The following SLC6A6 variants were observed in gnomAD, a reference collection of about 807,000 sequenced individuals.
SLC6A6 encodes the protein sodium- and chloride-dependent taurine transporter.
SLC6A6 carries 16 observed loss-of-function variants against 68.8 expected under a neutral mutation model. The ratio of observed to expected loss-of-function variants is 0.23; its 90% CI spans 0.16 to 0.35. SLC6A6 has a LOEUF of 0.35. SLC6A6 is among the 10% of genes least tolerant of loss of function. SLC6A6 has a pLI of 1.00. For missense variants in SLC6A6, 474 were observed against 802.8 expected (o/e 0.59, Z 4.95); for synonymous variants, 312 against 315.4 (o/e 0.99, Z 0.12).
chr3:14,448,058 C>T (rs1700170792), intron 5 of SLC6A6: 1 of 1,217,280 alleles, frequency 8.2e-7, no homozygotes, highest in South Asian at 1.7e-5. Context: ...AGTTTCTTTA[C>T]CTGTAAGATA....
intron 2 of SLC6A6, among the ~76,000 whole-genome samples, chr3:14,437,714 A>G (rs1319332634): frequency 6.6e-6 from 1 of 152,084 alleles, no homozygotes; most frequent in Non-Finnish European, 1.5e-5. Context: ...AGATCTATCA[A>G]ACTTACTCCT....
chr3:14,433,802 CAAAAAA>C (rs67806643), intron 2 of SLC6A6, among the ~76,000 whole-genome samples: 16 of 77,510 alleles, frequency 2.1e-4, no homozygotes, highest in African/African-American at 6.4e-4. Flanking sequence ...GACTCTGTCT[CAAAAAA>C]AAAAAAAAAA....
chr3:14,409,334 C>T (rs895145542), intron 1 of SLC6A6, among the ~76,000 whole-genome samples: 8 of 152,220 alleles, frequency 5.3e-5, no homozygotes, highest in African/African-American at 4.8e-5. Context: ...GGACTTGCCC[C>T]GGAGGGTGCA....
chr3:14,459,901 T>G (rs199710337), intron 6 of SLC6A6, among the ~76,000 whole-genome samples: 7 of 47,072 alleles, frequency 1.5e-4, no homozygotes, highest in African/African-American at 8.5e-4. Flanking sequence ...TTTTTTTTTT[T>G]TTTTTTTGTA....
rs1700768175 is a variant in SLC6A6, at chr3:14,472,222, A to G, written c.1114A>G (p.Ile372Val). The change falls in exon 10 of 15, where the codon ATT becomes GTT. Residue 372 changes from isoleucine to valine, a missense_variant. Ile to Val is a conservative substitution (Grantham distance 29, BLOSUM62 3). Transcript: ENST00000622186. The surrounding 1 kb of genome is among the most constrained non-coding windows in gnomAD (Gnocchi z 4.5). ...CTTTCTAGGTCCTGGCCTGGCCTTC[A>G]TTGCCTACCCAAAAGCTGTGACAAT... ...VAESGPGLAFIAYPKAVTMMP... is the reference protein window; with the variant it reads ...VAESGPGLAFVAYPKAVTMMP... 5 of 1,612,984 alleles carry G rather than the reference A, an allele frequency of 3.1e-6. No individual in the cohort carries two copies. The highest frequency in any genetic ancestry group is 4.2e-6 in the Non-Finnish European group (5 of 1,179,148).
chr3:14,459,998 A>G (rs1237411283), intron 6 of SLC6A6, among the ~76,000 whole-genome samples: 3 of 150,768 alleles, frequency 2.0e-5, no homozygotes, highest in Non-Finnish European at 4.4e-5. Flanking sequence ...CCATCCTCAA[A>G]CCATCCTCCC....
chr3:14,460,321 T>A (rs1470891497), intron 6 of SLC6A6, among the ~76,000 whole-genome samples: 1 of 149,730 alleles, frequency 6.7e-6, no homozygotes, highest in Middle Eastern at 3.2e-3. Context: ...TATATAGGAG[T>A]CAAATGGGGA....
intron 14 of SLC6A6, among the ~76,000 whole-genome samples, chr3:14,483,056 A>G (rs1701045057): frequency 6.6e-6 from 1 of 152,174 alleles, no homozygotes; most frequent in South Asian, 2.1e-4. Flanking sequence ...CTGATTGGTG[A>G]GTGCCCAAAG....
At position 14,424,082 on chromosome 3, in the gene SLC6A6, T is replaced by A. The variant is rs185443432; in HGVS notation, c.-12+7629T>A. On this transcript the variant is annotated intron_variant, in intron 2 of 14. Transcript: ENST00000622186. ...GTCACCTTTTCAAACCCCTGCCAGC[T>A]CTGCCTAGTACTGGAAAGGCCCCAG... is the stretch of plus-strand genomic sequence containing the variant. Among the ~76,000 whole-genome samples the A allele has an allele frequency of 6.6e-5, 10 of 152,330 alleles. No individual in the cohort carries two copies. In the East Asian group the frequency reaches 1.7e-3, roughly 26 times the overall value.
rs557189839 is a variant in SLC6A6 at position 14,468,534 on chromosome 3, C to G, written c.1096+322C>G. On this transcript the variant is annotated intron_variant, in intron 9 of 14. Transcript: ENST00000622186. The surrounding 1 kb of genome is among the most constrained non-coding windows in gnomAD (Gnocchi z 4.5). Reference sequence around the variant, plus strand: ...AAACTCCTGGTTTCCACAATAGAAACCACTTTCCTAACTCAGGCCCAAGTC... The same window carrying G: ...AAACTCCTGGTTTCCACAATAGAAAGCACTTTCCTAACTCAGGCCCAAGTC... Among the ~76,000 whole-genome samples the G allele has an allele frequency of 6.6e-6, 1 of 151,936 alleles. No individual in the cohort carries two copies. Among genetic ancestry groups the G allele is most frequent in the South Asian group, 2.1e-4 (1 of 4,804 alleles).
intron 2 of SLC6A6, among the ~76,000 whole-genome samples, chr3:14,438,457 C>G (rs1212845801): frequency 5.3e-5 from 8 of 152,156 alleles, no homozygotes; most frequent in Admixed American, 2.6e-4. Flanking sequence ...GAGAGAGATG[C>G]CTGCTGTGGA....
chr3:14,437,266 T>G (rs6442455), intron 2 of SLC6A6, among the ~76,000 whole-genome samples: 41,978 of 151,114 alleles, frequency 0.28, 5,928 homozygotes, highest in Admixed American at 0.31. Context: ...ACTTTTTTTG[T>G]TTTTTTTTGG....
chr3:14,443,388 C>T (rs1033979920), intron 2 of SLC6A6, among the ~76,000 whole-genome samples: 10 of 152,034 alleles, frequency 6.6e-5, no homozygotes, highest in Non-Finnish European at 1.5e-4. Context: ...ATGGACCTGC[C>T]GATTCTGTGG....
chr3:14,477,224 A>G lies in SLC6A6; in HGVS notation c.1229A>G (p.Gln410Arg). Residue 410 changes from glutamine (Q) to arginine (R), a missense_variant, in exon 11 of 15, where the codon CAG becomes CGG. This residue lies in a region of SLC6A6 where 280 missense variants were observed against 533.1 expected (regional missense o/e 0.53). Coordinates refer to ENST00000622186, the MANE Select transcript of SLC6A6 (RefSeq NM_003043.6). The surrounding 1 kb of genome is among the most constrained non-coding windows in gnomAD (Gnocchi z 4.2). ...CCTCAGTTTGTTGAAGTTGAAGGAC[A>G]GATCACATCCTTGGTTGATCTTTAC... ...LDSQFVEVEGQITSLVDLYPS... is the reference protein window; with the variant it reads ...LDSQFVEVEGRITSLVDLYPS... The G allele has an allele frequency of 1.2e-6, 2 of 1,613,570 alleles. No homozygotes were observed. The highest frequency in any genetic ancestry group is 1.7e-6 in the Non-Finnish European group (2 of 1,179,766).
At chr3:14,405,292 G>A (rs1699081919) in intron 1 of SLC6A6, among the ~76,000 whole-genome samples, 7 of 152,138 alleles carry the variant, frequency 4.6e-5, no homozygotes, top group Admixed American at 3.9e-4. Context: ...TGCTGCAGGG[G>A]TCAGCCCTCC....
intron 1 of SLC6A6, among the ~76,000 whole-genome samples, chr3:14,403,075 AGAGTGT>A: frequency 1.0e-5 from 1 of 100,058 alleles, no homozygotes; most frequent in Non-Finnish European, 2.0e-5. Context: ...GGGCGGCAGG[AGAGTGT>A]GTGTGTGTGT....
chr3:14,448,080 T>A, intron 5 of SLC6A6: 3 of 1,197,672 alleles, frequency 2.5e-6, no homozygotes, highest in Non-Finnish European at 3.3e-6. Flanking sequence ...AAAGAATGAA[T>A]CATTACTACC....
In SLC6A6 at chr3:14,477,002, G is replaced by A. The variant is rs775115778; in HGVS notation, c.1210-203G>A. 3.3e-4 allele frequency among the ~76,000 whole-genome samples: 50 copies of A among 152,330 alleles called. No homozygotes were observed. Among genetic ancestry groups the A allele is most frequent in the African/African-American group, 5.1e-4 (21 of 41,580 alleles). ...ACCGAATGTTGCGTTGTCTGGCTCCGAGGAGTGGCAGGCGGGACTCCCCAG... is the reference window on the plus strand; with the variant it reads ...ACCGAATGTTGCGTTGTCTGGCTCCAAGGAGTGGCAGGCGGGACTCCCCAG... On this transcript the variant is annotated intron_variant, in intron 10 of 14. Transcript: ENST00000622186. This position sits in a 1 kb window ranked among gnomAD's most constrained non-coding sequence, Gnocchi z 4.2.
chr3:14,459,841 A>G (rs1308378968), intron 6 of SLC6A6, among the ~76,000 whole-genome samples: 1 of 151,648 alleles, frequency 6.6e-6, no homozygotes, highest in African/African-American at 2.4e-5. Context: ...AACACCTGGC[A>G]CAATGCTTGG....
Sources: allele counts gnomAD v4.1 joint callset (sites outside exome capture counted in the v4.1 genomes callset), GRCh38; gene constraint gnomAD v4.1.1; regional missense constraint gnomAD v4.1.1; non-coding constraint Gnocchi (gnomAD v3.1); transcripts MANE v1.5; gene names NCBI Gene and HGNC (gene_info 2026-07-23, HGNC 2026-07-21).